Variants in RTCB observed in about 807,000 individuals in gnomAD.
The protein encoded by RTCB is RNA-splicing ligase RTCB.
A neutral mutation model predicts 58.2 loss-of-function variants in RTCB; 32 were observed. That is an observed-to-expected ratio of 0.55 (90% CI 0.41 to 0.74). The LOEUF is 0.74. RTCB is among the 30% of genes least tolerant of loss of function. RTCB has a pLI of 0.00. For missense variants in RTCB, 523 were observed against 639.0 expected, an observed-to-expected ratio of 0.82 and a Z score of 1.96; for synonymous variants, 247 against 218.6, an observed-to-expected ratio of 1.13 and a Z score of -1.15.
intron 1 of RTCB, among the ~76,000 whole-genome samples, chr22:32,411,856 C>G (rs1419429440): frequency 6.6e-6 from 1 of 152,202 alleles, no homozygotes; most frequent in Non-Finnish European, 1.5e-5. Flanking sequence ...AGCTTGTCCT[C>G]GTGGTTCGGG....
chr22:32,395,007 C>T lies in RTCB; in HGVS notation c.1179+19G>A, dbSNP rs1272412757. 4 of 1,592,418 alleles carry T rather than the reference C, an allele frequency of 2.5e-6. No homozygotes were observed. Among genetic ancestry groups the T allele is most frequent in the Non-Finnish European group, 2.6e-6 (3 of 1,165,088 alleles). ...ATCGTGCCCCCACTGCTTAAAACTA[C>T]AAACGTAGAGCTACGTACTTGGTAA... is the stretch of plus-strand genomic sequence containing the variant. On this transcript the variant is annotated intron_variant, in intron 9 of 11. Coordinates refer to ENST00000216038, the MANE Select transcript of RTCB (RefSeq NM_014306.5).
intron 6 of RTCB, among the ~76,000 whole-genome samples, chr22:32,399,381 C>T (rs182126194): frequency 1.2e-3 from 182 of 151,864 alleles, no homozygotes; most frequent in African/African-American, 4.3e-3. Flanking sequence ...TGGCCTCAAG[C>T]GAACCTTCCT....
chr22:32,391,567 TG>T (rs1360234955), intron 11 of RTCB, among the ~76,000 whole-genome samples: 1 of 152,044 alleles, frequency 6.6e-6, no homozygotes, highest in Non-Finnish European at 1.5e-5. Context: ...AGCTAATTTT[TG>T]TATTTTTAGT....
At position 32,403,386 on chromosome 22, in the gene RTCB, A is replaced by T. The variant is rs184692860; in HGVS notation, c.341-1483T>A. Among the ~76,000 whole-genome samples the T allele has an allele frequency of 5.3e-3, 803 of 152,204 alleles. 7 individuals are homozygous for T. The highest frequency in any genetic ancestry group is 8.8e-3 in the Non-Finnish European group (601 of 67,992). ...TGCACCAGTGCACTCCAGCCCGGGC[A>T]ACAGAGCGAGACTCCGTCTCAAAAA... On this transcript the variant is annotated intron_variant, in intron 4 of 11. Coordinates refer to ENST00000216038, the MANE Select transcript of RTCB (RefSeq NM_014306.5).
rs1374232028 is a variant in RTCB, at chr22:32,392,323, A to C, written c.1327T>G (p.Leu443Val). 1.9e-6 allele frequency: 3 copies of C among 1,614,022 alleles called. No homozygotes were observed. In the Admixed American group the frequency reaches 5.0e-5, roughly 27 times the overall value. ...ALSRAKSRRN[L>V]DFQDVLDKLA... Reference sequence around the variant, plus strand: ...TTGTCTAAGACATCCTGGAAATCTAAATTACGTCGAGATTTTGCTCGGGAC... The same window carrying C: ...TTGTCTAAGACATCCTGGAAATCTACATTACGTCGAGATTTTGCTCGGGAC... Residue 443 changes from leucine to valine, a missense_variant, in exon 11 of 12, where the codon TTA becomes GTA. Leu to Val is a conservative substitution (Grantham distance 32). Around this residue, in one of 3 missense-constraint regions of RTCB, gnomAD observed 248 missense variants for 292.5 expected, o/e 0.85. Coordinates refer to ENST00000216038, the MANE Select transcript of RTCB (RefSeq NM_014306.5).
At chr22:32,401,680 A>AAAGGAAGCTGAAGGTCATGTGGTTAT in intron 5 of RTCB, 67 bp downstream of exon 5, 1 of 1,543,426 alleles carries the variant, frequency 6.5e-7, no homozygotes. Context: ...ACTGCACTGG[A>AAAGGAAGCTGAAGGTCATGTGGTTAT]AAGGAAGCTG....
Position 32,410,785 on chromosome 22 carries a change from G to A in RTCB, c.93+1279C>T, listed in dbSNP as rs374323849. On this transcript the variant is annotated intron_variant, in intron 1 of 11. Coordinates refer to ENST00000216038, the MANE Select transcript of RTCB (RefSeq NM_014306.5). ...CTGGAGTGCAGTTTAGAATGATCAC[G>A]GGTCACTGCAGCCAAGATCTCCCAG... 6.0e-5 allele frequency among the ~76,000 whole-genome samples: 9 copies of A among 149,990 alleles called. No homozygotes were observed. In the East Asian group the frequency reaches 1.4e-3, roughly 23 times the overall value.
chr22:32,407,105 A>G (rs1156556169), intron 3 of RTCB, among the ~76,000 whole-genome samples: 1 of 152,230 alleles, frequency 6.6e-6, no homozygotes, highest in Non-Finnish European at 1.5e-5. Context: ...TTGGTTTGTC[A>G]GGTTAAGAAG....
intron 1 of RTCB, among the ~76,000 whole-genome samples, chr22:32,410,018 G>C (rs1219376874): frequency 6.6e-6 from 1 of 151,994 alleles, no homozygotes; most frequent in South Asian, 2.1e-4. Context: ...GAAGTTTCAC[G>C]TGTTAGCCAG....
At chr22:32,411,931 G>C (rs1475679902) in intron 1 of RTCB, 133 bp downstream of exon 1, 5 of 654,442 alleles carry the variant, frequency 7.6e-6, no homozygotes, top group African/African-American at 5.6e-5. Flanking sequence ...GAGGGGAGAA[G>C]GACGGGATGA....
At chr22:32,394,876 G>A in intron 9 of RTCB, 150 bp downstream of exon 9, 1 of 688,156 alleles carries the variant, frequency 1.5e-6, no homozygotes, top group South Asian at 2.1e-5. Context: ...AGGAGTTACT[G>A]CTTCAGAGAA....
chr22:32,403,723 C>T (rs902251039), intron 4 of RTCB, among the ~76,000 whole-genome samples: 4 of 152,226 alleles, frequency 2.6e-5, no homozygotes, highest in East Asian at 1.9e-4. Flanking sequence ...TAGGCTGGTG[C>T]AAAAGTAATT....
intron 9 of RTCB, among the ~76,000 whole-genome samples, chr22:32,394,506 G>A (rs74400972): frequency 0.036 from 5,485 of 152,266 alleles, 129 homozygotes; most frequent in Middle Eastern, 0.082. Flanking sequence ...GAGGACGAGA[G>A]TGAAAATCTG....
intron 4 of RTCB, among the ~76,000 whole-genome samples, chr22:32,403,861 C>G (rs1360999424): frequency 6.6e-6 from 1 of 152,194 alleles, no homozygotes; most frequent in African/African-American, 2.4e-5. Flanking sequence ...AACATCCACC[C>G]TGTTAGCACC....
At chr22:32,396,680 C>G (rs1235599273) in intron 7 of RTCB, among the ~76,000 whole-genome samples, 3 of 152,228 alleles carry the variant, frequency 2.0e-5, no homozygotes, top group Non-Finnish European at 4.4e-5. Flanking sequence ...CTTCGTACAT[C>G]TGCTAGGTTA....
intron 9 of RTCB, among the ~76,000 whole-genome samples, chr22:32,394,611 GCTTGT>G (rs1273019458): frequency 1.3e-5 from 2 of 152,138 alleles, no homozygotes; most frequent in African/African-American, 4.8e-5. Flanking sequence ...TGAGCAAGGT[GCTTGT>G]CTTCTCTGTT....
intron 4 of RTCB, among the ~76,000 whole-genome samples, chr22:32,403,675 C>T (rs1041735512): frequency 2.0e-4 from 31 of 152,200 alleles, no homozygotes; most frequent in African/African-American, 6.5e-4. Context: ...AAGCTATCCT[C>T]CCACCTCAGC....
chr22:32,396,370 A>G, intron 7 of RTCB, 121 bp from the exon 8 acceptor site: 2 of 977,592 alleles, frequency 2.0e-6, no homozygotes, highest in East Asian at 2.5e-5. Context: ...ATGAAAGCCA[A>G]CTTTCCCTTT....
intron 5 of RTCB, 26 bp downstream of exon 5, chr22:32,401,721 C>T: frequency 1.2e-6 from 2 of 1,611,456 alleles, no homozygotes; most frequent in Non-Finnish European, 1.7e-6. Context: ...CCTCCCATAC[C>T]ATGTACTGGA....
Sources: gnomAD v4.1 joint callset for allele counts (sites outside exome capture counted in the v4.1 genomes callset) on GRCh38, gnomAD v4.1.1 for gene constraint, gnomAD v4.1.1 regional missense constraint, MANE v1.5 for transcripts, NCBI Gene and HGNC (gene_info 2026-07-23, HGNC 2026-07-21) for gene names.